Variants in SLC25A16 observed in about 807,000 individuals in gnomAD.
SLC25A16 encodes mitochondrial coenzyme A transporter SLC25A16.
A neutral mutation model predicts 41.5 loss-of-function variants in SLC25A16; 39 were observed. That is an observed-to-expected ratio of 0.94 (90% CI 0.73 to 1.23). The LOEUF is 1.23. SLC25A16 is among the 50% of genes most tolerant of loss of function. SLC25A16 has a pLI of 0.00. For synonymous variants in SLC25A16, 146 were observed against 147.8 expected (o/e 0.99, Z 0.09); for missense variants, 421 against 426.9 (o/e 0.99, Z 0.12).
In SLC25A16 at chr10:68,482,571, A is replaced by G. The variant is rs1169647052; in HGVS notation, c.*861T>C. 1.3e-5 allele frequency: 2 copies of G among 152,536 alleles called. No individual in the cohort carries two copies. The highest frequency in any genetic ancestry group is 4.8e-5 in the African/African-American group (2 of 41,456). 9.4% of individuals were successfully genotyped at this position (152,536 alleles called of 1,614,324 possible). A position where few individuals can be genotyped will look rare whatever the true frequency, so the allele number is the denominator to read the frequency against. ...AGAGCAAATCATCTAACAAAAACAA[A>G]TCTATAGTGTTACTTTTTTTTTAAG... is the stretch of plus-strand genomic sequence containing the variant. On this transcript the variant is annotated 3_prime_UTR_variant, in exon 9 of 9. Coordinates refer to ENST00000609923, the MANE Select transcript of SLC25A16 (RefSeq NM_152707.4).
intron 1 of SLC25A16, among the ~76,000 whole-genome samples, chr10:68,523,667 G>A (rs1442218080): frequency 6.6e-6 from 1 of 152,024 alleles, no homozygotes; most frequent in Non-Finnish European, 1.5e-5. Flanking sequence ...TAGAGATGGG[G>A]TTTCGCCATG....
At position 68,512,286 on chromosome 10, in the gene SLC25A16, C is replaced by CAAAT. The variant is rs527268361; in HGVS notation, c.223+4461_223+4464dup. On this transcript the variant is annotated intron_variant, in intron 2 of 8. Coordinates refer to ENST00000609923, the MANE Select transcript of SLC25A16 (RefSeq NM_152707.4). ...TCCAAATATTTAAGACACCCTGTCA[C>CAAAT]AAATAAATAAATAAATACATAAATA... is the stretch of plus-strand genomic sequence containing the variant. 1.4e-3 allele frequency among the ~76,000 whole-genome samples: 213 copies of CAAAT among 151,896 alleles called. 4 individuals are homozygous for CAAAT. The East Asian group carries it at 0.033, about 23-fold the overall frequency.
At chr10:68,486,236 A>C (rs567001281) in intron 8 of SLC25A16, among the ~76,000 whole-genome samples, 2,705 of 148,510 alleles carry the variant, frequency 0.018, 59 homozygotes, top group South Asian at 0.027. Flanking sequence ...CAAAACAAAA[A>C]AAAAAAAAAA....
At chr10:68,494,418 C>T (rs544880070) in intron 4 of SLC25A16, among the ~76,000 whole-genome samples, 25 of 138,450 alleles carry the variant, frequency 1.8e-4, no homozygotes, top group African/African-American at 5.8e-4. Context: ...GCTAAGATCA[C>T]GCCACTGCAG....
intron 4 of SLC25A16, among the ~76,000 whole-genome samples, chr10:68,500,562 C>A (rs925188976): frequency 6.7e-6 from 1 of 148,986 alleles, no homozygotes; most frequent in Non-Finnish European, 1.5e-5. Flanking sequence ...CCTGCCTTGG[C>A]CTCCCAAAGT....
chr10:68,516,309 C>T (rs370009409), intron 2 of SLC25A16, among the ~76,000 whole-genome samples: 68 of 152,106 alleles, frequency 4.5e-4, no homozygotes, highest in African/African-American at 1.5e-3. Context: ...GTATTTGTCC[C>T]GACTGGCTAG....
chr10:68,480,736 T>TC lies in SLC25A16; in HGVS notation c.*2695dup, dbSNP rs774064577. On this transcript the variant is annotated 3_prime_UTR_variant, in exon 9 of 9. Coordinates refer to ENST00000609923, the MANE Select transcript of SLC25A16 (RefSeq NM_152707.4). ...TGGTCTCGATTTCCTGACCTCGTGA[T>TC]CCCCCCGCCTCAGCCTCCCAAAGTG... 3.3e-5 allele frequency: 5 copies of TC among 151,804 alleles called. No individual in the cohort carries two copies. The highest frequency in any genetic ancestry group is 7.4e-5 in the Non-Finnish European group (5 of 67,948). 9.4% of individuals were successfully genotyped at this position (151,804 alleles called of 1,614,324 possible). A position where few individuals can be genotyped will look rare whatever the true frequency, so the allele number is the denominator to read the frequency against.
At position 68,527,451 on chromosome 10, in the gene SLC25A16, G is replaced by A. The variant is rs541516833; in HGVS notation, c.-76C>T. 1.5e-4 allele frequency: 204 copies of A among 1,369,634 alleles called. No individual in the cohort carries two copies. The African/African-American group carries it at 2.6e-3, about 18-fold the overall frequency. The allele number at this position is 1,369,634 out of a possible 1,614,324, so 84.8% of individuals were successfully genotyped here. On this transcript the variant is annotated 5_prime_UTR_variant, in exon 1 of 9. Transcript: ENST00000609923. ...GACGGGACCATAGCCGGAACAGGCG[G>A]TGACAGGAGGCTGACCGCCCCGCCG... is the stretch of plus-strand genomic sequence containing the variant.
chr10:68,490,445 C>T (rs543280499), intron 6 of SLC25A16, among the ~76,000 whole-genome samples: 7 of 151,530 alleles, frequency 4.6e-5, no homozygotes, highest in Admixed American at 3.3e-4. Context: ...TGGGTTCAAG[C>T]GATTCTCTTG....
rs144742584 is a variant in SLC25A16 at position 68,501,584 on chromosome 10, G to A, written c.421+2048C>T. Among the ~76,000 whole-genome samples, 368 of 151,398 alleles carry A rather than the reference G, an allele frequency of 2.4e-3. 1 individual carries two copies. Among genetic ancestry groups the A allele is most frequent in the African/African-American group, 8.7e-3 (360 of 41,432 alleles). On this transcript the variant is annotated intron_variant, in intron 4 of 8. Coordinates refer to ENST00000609923, the MANE Select transcript of SLC25A16 (RefSeq NM_152707.4). ...GGAGGGGAGAGGAGGGGAGGGAAGA[G>A]GAGGGAAGGGAAGGGAAGGAATGTT...
rs935026915 is a variant in SLC25A16, at chr10:68,483,158, C to T, written c.*274G>A. ...CAACCTCTTGAACCCCGTTTTAAAG[C>T]TAGTTCTACTTCCAAATAAAACTTT... On this transcript the variant is annotated 3_prime_UTR_variant, in exon 9 of 9. Coordinates refer to ENST00000609923, the MANE Select transcript of SLC25A16 (RefSeq NM_152707.4). The T allele has an allele frequency of 3.3e-5, 8 of 244,080 alleles. No individual in the cohort carries two copies. The highest frequency in any genetic ancestry group is 1.8e-4 in the African/African-American group (8 of 44,948). 15.1% of individuals were successfully genotyped at this position (244,080 alleles called of 1,614,324 possible).
intron 4 of SLC25A16, among the ~76,000 whole-genome samples, chr10:68,497,941 G>T (rs1053613880): frequency 2.0e-5 from 3 of 151,876 alleles, no homozygotes; most frequent in Non-Finnish European, 4.4e-5. Context: ...GGGTCTCATT[G>T]TGTTGCCCAG....
chr10:68,509,744 T>TAG (rs2053025275), intron 2 of SLC25A16, among the ~76,000 whole-genome samples: 1 of 143,482 alleles, frequency 7.0e-6, no homozygotes, highest in African/African-American at 2.7e-5. Context: ...TATATATATC[T>TAG]ATATATATAG....
At chr10:68,487,930 T>G (rs1029659780) in intron 7 of SLC25A16, among the ~76,000 whole-genome samples, 13 of 152,082 alleles carry the variant, frequency 8.5e-5, no homozygotes, top group Admixed American at 7.2e-4. Flanking sequence ...CTTGGCTCAC[T>G]GCAACCTCCA....
intron 1 of SLC25A16, among the ~76,000 whole-genome samples, chr10:68,518,942 C>T (rs932579484): frequency 5.9e-5 from 9 of 152,040 alleles, no homozygotes; most frequent in Admixed American, 6.6e-5. Flanking sequence ...CCTGTAATCC[C>T]AGCGCTTTGG....
intron 1 of SLC25A16, among the ~76,000 whole-genome samples, chr10:68,525,751 T>G (rs1377094527): frequency 6.6e-6 from 1 of 152,196 alleles, no homozygotes; most frequent in Non-Finnish European, 1.5e-5. Context: ...CATTTTGTTC[T>G]GTACTAAGAA....
At chr10:68,518,957 C>G (rs12248893) in intron 1 of SLC25A16, among the ~76,000 whole-genome samples, 1 of 152,028 alleles carries the variant, frequency 6.6e-6, no homozygotes, top group Admixed American at 6.6e-5. Context: ...CTTTGGGAGG[C>G]CGAGGTGGGC....
At chr10:68,517,150 A>C in intron 1 of SLC25A16, 1 of 1,038,434 alleles carries the variant, frequency 9.6e-7, no homozygotes. Context: ...TATTAATCCA[A>C]CTGCCAGGTT....
At position 68,527,381 on chromosome 10, in the gene SLC25A16, C is replaced by T; in HGVS notation, c.-6G>A. 2 of 1,486,150 alleles carry T rather than the reference C, an allele frequency of 1.3e-6. No homozygotes were observed. The highest frequency in any genetic ancestry group is 8.9e-7 in the Non-Finnish European group (1 of 1,125,264). The allele number at this position is 1,486,150 out of a possible 1,614,324, so 92.1% of individuals were successfully genotyped here. A position where few individuals can be genotyped will look rare whatever the true frequency, so the allele number is the denominator to read the frequency against. ...GCGGCCGTCGCCGCCGCCATCAGGA[C>T]CAGGGTCGCGTCAGGAGCCTAGGTT... On this transcript the variant is annotated 5_prime_UTR_variant, in exon 1 of 9. Coordinates refer to ENST00000609923, the MANE Select transcript of SLC25A16 (RefSeq NM_152707.4).
Sources: allele counts gnomAD v4.1 joint callset (sites outside exome capture counted in the v4.1 genomes callset), GRCh38; gene constraint gnomAD v4.1.1; transcripts MANE v1.5; gene names NCBI Gene and HGNC (gene_info 2026-07-23, HGNC 2026-07-21).